VTI1A: variants seen among roughly 807,000 people sequenced by gnomAD.
The protein encoded by VTI1A is vesicle transport through interaction with t-SNAREs 1A.
VTI1A carries 22 observed loss-of-function variants against 34.9 expected under a neutral mutation model. The observed-to-expected ratio is 0.63, with a 90% confidence interval of 0.45 to 0.90. The LOEUF is 0.90. Among genes scored for constraint, VTI1A ranks in the 40% least tolerant of loss-of-function variants. The probability of loss-of-function intolerance (pLI) is 0.00; values close to 1 mark genes in which losing one functional copy is unlikely to be tolerated. For synonymous variants in VTI1A, 87 were observed against 97.3 expected (o/e 0.89, Z 0.62); for missense variants, 268 against 275.6 (o/e 0.97, Z 0.20).
At chr10:112,813,989 T>A (rs1459247675) in intron 7 of VTI1A, among the ~76,000 whole-genome samples, 1 of 152,122 alleles carries the variant, frequency 6.6e-6, no homozygotes, top group African/African-American at 2.4e-5. Flanking sequence ...AGGGAGTGGG[T>A]TGGTCTGATA....
chr10:112,768,903 AAAT>A (rs1427077192), intron 7 of VTI1A, among the ~76,000 whole-genome samples: 1 of 152,240 alleles, frequency 6.6e-6, no homozygotes, highest in African/African-American at 2.4e-5. Flanking sequence ...TTAGGGTGCA[AAAT>A]AATAATAATT....
intron 5 of VTI1A, among the ~76,000 whole-genome samples, chr10:112,639,708 G>C (rs1241203048): frequency 6.6e-6 from 1 of 152,144 alleles, no homozygotes; most frequent in Non-Finnish European, 1.5e-5. Flanking sequence ...CATTGAAAAG[G>C]TATATACAGA....
the VTI1A span, among the ~76,000 whole-genome samples, chr10:112,833,009 C>T: frequency 1.3e-5 from 2 of 152,162 alleles, no homozygotes; most frequent in Non-Finnish European, 2.9e-5. Flanking sequence ...ACAAATTAAT[C>T]GATAGCAGAG....
At chr10:112,521,569 A>G (rs1327240933) in intron 3 of VTI1A, among the ~76,000 whole-genome samples, 1 of 152,030 alleles carries the variant, frequency 6.6e-6, no homozygotes, top group Non-Finnish European at 1.5e-5. Context: ...TAAATACTAT[A>G]CCATTATTTT....
intron 3 of VTI1A, among the ~76,000 whole-genome samples, chr10:112,491,745 AT>A (rs1303591950): frequency 5.3e-5 from 8 of 152,118 alleles, no homozygotes; most frequent in Non-Finnish European, 7.4e-5. Context: ...AGTTCTGACT[AT>A]CCATATTTCA....
chr10:112,547,766 T>G (rs1464058811), intron 5 of VTI1A, among the ~76,000 whole-genome samples: 1 of 152,178 alleles, frequency 6.6e-6, no homozygotes, highest in African/African-American at 2.4e-5. Flanking sequence ...GTATTTTTTC[T>G]TTTAGAAAAT....
chr10:112,500,354 G>C (rs1247891368), intron 3 of VTI1A, among the ~76,000 whole-genome samples: 1 of 151,682 alleles, frequency 6.6e-6, no homozygotes, highest in Non-Finnish European at 1.5e-5. Flanking sequence ...AGAATTGCTT[G>C]AACCCAGGAG....
At chr10:112,514,650 T>C (rs1849715143) in intron 3 of VTI1A, among the ~76,000 whole-genome samples, 1 of 151,994 alleles carries the variant, frequency 6.6e-6, no homozygotes, top group Non-Finnish European at 1.5e-5. Context: ...AACTCCCCTC[T>C]TAGGACTGCT....
chr10:112,612,000 G>C (rs536301399), intron 5 of VTI1A, among the ~76,000 whole-genome samples: 1 of 151,906 alleles, frequency 6.6e-6, no homozygotes, highest in Non-Finnish European at 1.5e-5. Flanking sequence ...CTCGGCCTCC[G>C]AAAGTGCTGG....
Position 112,813,367 on chromosome 10 carries a change from G to A in VTI1A, c.561-1923G>A, listed in dbSNP as rs115359884. On this transcript the variant is annotated intron_variant, in intron 7 of 7. Coordinates refer to ENST00000393077, the MANE Select transcript of VTI1A (RefSeq NM_145206.4). ...AATGGTTGTCAACCAAGCTGTACAA[G>A]AGACACACTACTGTAGATTACTTAA... Among the ~76,000 whole-genome samples, 1,414 of 152,342 alleles carry A rather than the reference G, an allele frequency of 9.3e-3. 19 individuals are homozygous for A. The highest frequency in any genetic ancestry group is 0.032 in the African/African-American group (1,322 of 41,572).
At chr10:112,460,608 A>G in intron 2 of VTI1A, 26 bp downstream of exon 2, 1 of 1,557,442 alleles carries the variant, frequency 6.4e-7, no homozygotes, top group South Asian at 1.3e-5. Context: ...AATGTATTTT[A>G]ACACACAGCC....
intron 5 of VTI1A, among the ~76,000 whole-genome samples, chr10:112,654,169 C>A (rs1455797424): frequency 5.3e-5 from 8 of 152,196 alleles, no homozygotes; most frequent in African/African-American, 1.9e-4. Flanking sequence ...GTTATGTACT[C>A]TCCTTCTAGG....
At chr10:112,485,613 C>A (rs1021667045) in intron 3 of VTI1A, among the ~76,000 whole-genome samples, 4 of 152,092 alleles carry the variant, frequency 2.6e-5, no homozygotes, top group African/African-American at 9.7e-5. Context: ...CTGACAGGTC[C>A]GGTTCATAAG....
chr10:112,806,213 G>T lies in VTI1A; in HGVS notation c.561-9077G>T, dbSNP rs185247878. On this transcript the variant is annotated intron_variant, in intron 7 of 7. Transcript: ENST00000393077. Reference sequence around the variant, plus strand: ...ACTACACCTAAATTGATGTTAGCCAGTGGGGGCTACTAATGGCTGATGATG... The same window carrying T: ...ACTACACCTAAATTGATGTTAGCCATTGGGGGCTACTAATGGCTGATGATG... 3.3e-5 allele frequency among the ~76,000 whole-genome samples: 5 copies of T among 152,318 alleles called. No homozygotes were observed. In the East Asian group the frequency reaches 5.8e-4, roughly 18 times the overall value.
At chr10:112,519,676 A>T (rs1589855959) in intron 3 of VTI1A, among the ~76,000 whole-genome samples, 2 of 152,188 alleles carry the variant, frequency 1.3e-5, no homozygotes, top group Admixed American at 6.6e-5. Context: ...GCATTGAGGA[A>T]TGGGGTTCTG....
At chr10:112,716,736 T>G (rs902604708) in intron 7 of VTI1A, among the ~76,000 whole-genome samples, 2 of 152,188 alleles carry the variant, frequency 1.3e-5, no homozygotes, top group Non-Finnish European at 2.9e-5. Context: ...GATTTCTGAT[T>G]TTTGGATTAG....
intron 5 of VTI1A, among the ~76,000 whole-genome samples, chr10:112,618,512 TATATATATATATAG>T (rs1428608751): frequency 5.3e-5 from 2 of 37,932 alleles, no homozygotes; most frequent in Admixed American, 4.6e-4. Context: ...TATATATATA[TATATATATATATAG>T]AGAGAGAGAG....
At chr10:112,748,260 T>A (rs1279222251) in intron 7 of VTI1A, among the ~76,000 whole-genome samples, 2 of 152,038 alleles carry the variant, frequency 1.3e-5, no homozygotes, top group African/African-American at 4.8e-5. Context: ...GCAATCCAAT[T>A]TGGGGTTGCA....
the VTI1A span, among the ~76,000 whole-genome samples, chr10:112,844,406 G>A: frequency 6.6e-6 from 1 of 152,126 alleles, no homozygotes; most frequent in Non-Finnish European, 1.5e-5. Flanking sequence ...AGGAGAAGGG[G>A]ACGATAAAGC....
Sources: allele counts gnomAD v4.1 joint callset (sites outside exome capture counted in the v4.1 genomes callset), GRCh38; gene constraint gnomAD v4.1.1; transcripts MANE v1.5; gene names NCBI Gene and HGNC (gene_info 2026-07-23, HGNC 2026-07-21).